Variants in AGBL4 observed in about 807,000 individuals in gnomAD.
AGBL4 encodes the protein cytosolic carboxypeptidase 6.
Under a neutral mutation model 66.4 loss-of-function variants are expected in AGBL4, and 58 were observed. The observed-to-expected ratio is 0.87, with a 90% CI of 0.71 to 1.09. The LOEUF is 1.09. Ranked by LOEUF, AGBL4 falls within the 50% of genes least tolerant of loss-of-function variation. The pLI, the probability that AGBL4 is intolerant of heterozygous loss-of-function variation, is 0.00. For missense variants in AGBL4, 579 were observed against 631.0 expected (o/e 0.92, Z 0.88); for synonymous variants, 234 against 222.9 (o/e 1.05, Z -0.44).
chr1:49,304,138 C>G (rs1034798546), intron 3 of AGBL4, among the ~76,000 whole-genome samples: 2 of 152,120 alleles, frequency 1.3e-5, no homozygotes, highest in Non-Finnish European at 2.9e-5. Context: ...TTTAATCCAT[C>G]TTGAGTTAAT....
intron 6 of AGBL4, among the ~76,000 whole-genome samples, chr1:48,744,643 T>C (rs1650445756): frequency 6.6e-6 from 1 of 152,340 alleles, no homozygotes; most frequent in Admixed American, 6.5e-5. Context: ...AGTACAGCCG[T>C]AACTTCAGTT....
intron 4 of AGBL4, among the ~76,000 whole-genome samples, chr1:49,138,495 G>A (rs1465104529): frequency 6.6e-6 from 1 of 152,020 alleles, no homozygotes; most frequent in Non-Finnish European, 1.5e-5. Flanking sequence ...TTAACCCACT[G>A]CTTTCTCCAT....
intron 6 of AGBL4, among the ~76,000 whole-genome samples, chr1:48,857,506 G>A (rs1365878337): frequency 2.0e-5 from 3 of 152,156 alleles, no homozygotes; most frequent in African/African-American, 7.2e-5. Context: ...CAGATCACAA[G>A]GTCAGGAGAT....
intron 2 of AGBL4, among the ~76,000 whole-genome samples, chr1:49,810,038 C>T (rs551720687): frequency 2.4e-4 from 37 of 152,154 alleles, no homozygotes; most frequent in Non-Finnish European, 2.8e-4. Flanking sequence ...TCATAATTAT[C>T]ATTCAATATA....
At chr1:49,685,223 T>C (rs1024499381) in intron 3 of AGBL4, among the ~76,000 whole-genome samples, 1 of 152,214 alleles carries the variant, frequency 6.6e-6, no homozygotes, top group African/African-American at 2.4e-5. Context: ...AAGGACATGC[T>C]TTCATTCTTT....
chr1:49,984,032 A>G (rs949379175), intron 1 of AGBL4, among the ~76,000 whole-genome samples: 1 of 152,242 alleles, frequency 6.6e-6, no homozygotes, highest in Non-Finnish European at 1.5e-5. Context: ...AGACTCTTCT[A>G]TGGCAGTAAG....
At chr1:48,735,757 C>T (rs936939924) in intron 6 of AGBL4, among the ~76,000 whole-genome samples, 3 of 152,060 alleles carry the variant, frequency 2.0e-5, no homozygotes, top group African/African-American at 4.8e-5. Flanking sequence ...CCAAGAACTG[C>T]GTCCCCTAGC....
intron 5 of AGBL4, among the ~76,000 whole-genome samples, chr1:48,895,438 G>A (rs1557435028): frequency 6.6e-6 from 1 of 152,208 alleles, no homozygotes; most frequent in Admixed American, 6.5e-5. Context: ...AATTCTGACA[G>A]CAAGGTGCTT....
At chr1:48,823,396 C>T (rs1279507316) in intron 6 of AGBL4, among the ~76,000 whole-genome samples, 1 of 152,218 alleles carries the variant, frequency 6.6e-6, no homozygotes, top group Admixed American at 6.5e-5. Flanking sequence ...TAGACTCCAA[C>T]ACCAGGGGAA....
chr1:49,225,551 C>T (rs1451092871), intron 4 of AGBL4, among the ~76,000 whole-genome samples: 2 of 152,186 alleles, frequency 1.3e-5, no homozygotes, highest in Non-Finnish European at 2.9e-5. Flanking sequence ...GCTGATCCCA[C>T]CTACCTTAAC....
chr1:48,568,759 T>G (rs1644514760), intron 11 of AGBL4, among the ~76,000 whole-genome samples: 2 of 152,202 alleles, frequency 1.3e-5, no homozygotes, highest in South Asian at 4.1e-4. Flanking sequence ...CACGGGCTCC[T>G]CCTCTATGAA....
intron 3 of AGBL4, among the ~76,000 whole-genome samples, chr1:49,438,205 C>T (rs948249518): frequency 2.6e-5 from 4 of 152,198 alleles, no homozygotes; most frequent in Non-Finnish European, 2.9e-5. Flanking sequence ...GGCCAACCTA[C>T]AAGCACCATT....
At chr1:49,292,821 T>TA (rs1045213386) in intron 3 of AGBL4, among the ~76,000 whole-genome samples, 1 of 152,176 alleles carries the variant, frequency 6.6e-6, no homozygotes, top group African/African-American at 2.4e-5. Context: ...GCTATTCTGT[T>TA]ACTCAATAAA....
intron 3 of AGBL4, among the ~76,000 whole-genome samples, chr1:49,331,206 T>C (rs1262457665): frequency 1.3e-5 from 2 of 151,630 alleles, no homozygotes; most frequent in African/African-American, 4.8e-5. Context: ...CAGAGAAAGG[T>C]AACTGCAACT....
chr1:48,535,007 TGTTGTTTTTAACACCCAAACGGA>T, intron 12 of AGBL4, 91 bp from the exon 13 acceptor site: 2 of 1,261,216 alleles, frequency 1.6e-6, no homozygotes, highest in Non-Finnish European at 2.2e-6. Flanking sequence ...CATTGAAGGA[TGTTGTTTTTAACACCCAAACGGA>T]GCATAGGACG....
At chr1:48,950,516 T>C (rs1160868831) in intron 5 of AGBL4, among the ~76,000 whole-genome samples, 1 of 152,252 alleles carries the variant, frequency 6.6e-6, no homozygotes, top group African/African-American at 2.4e-5. Flanking sequence ...TGGGTGGGAA[T>C]ATATTTGATC....
intron 2 of AGBL4, among the ~76,000 whole-genome samples, chr1:49,754,694 C>T (rs1424343931): frequency 6.6e-6 from 1 of 152,202 alleles, no homozygotes; most frequent in African/African-American, 2.4e-5. Flanking sequence ...AGGAAGCAGC[C>T]TGTCCCTTAG....
Position 49,619,112 on chromosome 1 carries a change from T to C in AGBL4, c.282+78201A>G, listed in dbSNP as rs187498262. Among the ~76,000 whole-genome samples, 718 of 152,266 alleles carry C rather than the reference T, an allele frequency of 4.7e-3. 6 individuals are homozygous for C. The highest frequency in any genetic ancestry group is 0.017 in the African/African-American group (691 of 41,544). On this transcript the variant is annotated intron_variant, in intron 3 of 13. Coordinates refer to ENST00000371839, the MANE Select transcript of AGBL4 (RefSeq NM_032785.4). ...CTATTCAACATAGAACTGGAAGTTCTGGTCAGGGCAATCAGGCAAGAGAAA... is the reference window on the plus strand; with the variant it reads ...CTATTCAACATAGAACTGGAAGTTCCGGTCAGGGCAATCAGGCAAGAGAAA...
chr1:49,076,484 A>G (rs1644712432), intron 4 of AGBL4, among the ~76,000 whole-genome samples: 1 of 152,204 alleles, frequency 6.6e-6, no homozygotes, highest in Admixed American at 6.5e-5. Flanking sequence ...TGAGCTCTAA[A>G]ATGCTACTCT....
Sources: gnomAD v4.1 joint callset for allele counts (sites outside exome capture counted in the v4.1 genomes callset) on GRCh38, gnomAD v4.1.1 for gene constraint, MANE v1.5 for transcripts, NCBI Gene and HGNC (gene_info 2026-07-23, HGNC 2026-07-21) for gene names.